The following CNTNAP2 variants were observed in gnomAD, a reference collection of about 807,000 sequenced individuals.
The protein encoded by CNTNAP2 is contactin-associated protein-like 2.
Under a neutral mutation model 155.2 loss-of-function variants are expected in CNTNAP2, and 98 were observed. The ratio of observed to expected loss-of-function variants is 0.63; its 90% confidence interval spans 0.54 to 0.75. CNTNAP2 has a LOEUF of 0.75. Ranked by LOEUF, CNTNAP2 falls within the 30% of genes least tolerant of loss-of-function variation. The pLI, the probability that CNTNAP2 is intolerant of heterozygous loss-of-function variation, is 0.00. For synonymous variants in CNTNAP2, 651 were observed against 631.2 expected, an observed-to-expected ratio of 1.03 and a Z score of -0.47; for missense variants, 1,727 against 1,688.1, an observed-to-expected ratio of 1.02 and a Z score of -0.40.
intron 8 of CNTNAP2, among the ~76,000 whole-genome samples, chr7:147,204,173 TAA>T (rs930713884): frequency 6.6e-5 from 10 of 151,706 alleles, no homozygotes; most frequent in African/African-American, 2.4e-4. Flanking sequence ...TGAAAGAAAA[TAA>T]GAGAGCAGCT....
chr7:147,910,046 C>G (rs1800034411), intron 14 of CNTNAP2, among the ~76,000 whole-genome samples: 1 of 152,120 alleles, frequency 6.6e-6, no homozygotes, highest in Non-Finnish European at 1.5e-5. Flanking sequence ...TTTATAGCAG[C>G]TGAGGGGAGT....
At chr7:148,105,619 G>C (rs1387719400) in intron 15 of CNTNAP2, among the ~76,000 whole-genome samples, 1 of 149,954 alleles carries the variant, frequency 6.7e-6, no homozygotes, top group Admixed American at 6.6e-5. Flanking sequence ...ATGGAGTCTT[G>C]CTCTGTTGCC....
intron 1 of CNTNAP2, among the ~76,000 whole-genome samples, chr7:146,368,766 G>T (rs183421754): frequency 2.0e-5 from 3 of 151,544 alleles, no homozygotes; most frequent in Middle Eastern, 3.4e-3. Context: ...CCTAGAACAA[G>T]AATTGTTATA....
At chr7:148,163,139 A>G (rs1805582345) in intron 17 of CNTNAP2, among the ~76,000 whole-genome samples, 1 of 152,256 alleles carries the variant, frequency 6.6e-6, no homozygotes, top group African/African-American at 2.4e-5. Flanking sequence ...AAAGTGCCTT[A>G]TATGATGTAA....
intron 12 of CNTNAP2, among the ~76,000 whole-genome samples, chr7:147,572,195 G>GAC (rs71274267): frequency 1.3e-5 from 2 of 151,582 alleles, no homozygotes; most frequent in Non-Finnish European, 1.5e-5. Context: ...CCTCATTCCA[G>GAC]AGCTTCTGCC....
intron 1 of CNTNAP2, among the ~76,000 whole-genome samples, chr7:146,505,752 C>T (rs1050744517): frequency 2.0e-5 from 3 of 152,204 alleles, no homozygotes; most frequent in African/African-American, 7.2e-5. Flanking sequence ...CAGGCAACAA[C>T]AGATTACCAT....
At chr7:146,912,222 G>A (rs1283835967) in intron 3 of CNTNAP2, among the ~76,000 whole-genome samples, 1 of 150,128 alleles carries the variant, frequency 6.7e-6, no homozygotes, top group Non-Finnish European at 1.5e-5. Context: ...AGACTATTAG[G>A]ATGCAGATGT....
intron 1 of CNTNAP2, among the ~76,000 whole-genome samples, chr7:146,376,811 T>C (rs930652018): frequency 2.6e-5 from 4 of 152,148 alleles, no homozygotes; most frequent in Non-Finnish European, 4.4e-5. Context: ...TGAATAGTAT[T>C]AAAATCCTAA....
chr7:146,666,617 AGT>A (rs1012187328), intron 1 of CNTNAP2, among the ~76,000 whole-genome samples: 73 of 152,272 alleles, frequency 4.8e-4, no homozygotes, highest in African/African-American at 1.7e-3. Flanking sequence ...TCCCACCAAC[AGT>A]GTATATGAGT....
intron 12 of CNTNAP2, among the ~76,000 whole-genome samples, chr7:147,635,391 T>C (rs1795161495): frequency 6.6e-6 from 1 of 151,990 alleles, no homozygotes; most frequent in Non-Finnish European, 1.5e-5. Flanking sequence ...CCCAAAGTGC[T>C]GGGATTACAG....
intron 21 of CNTNAP2, among the ~76,000 whole-genome samples, chr7:148,336,550 G>GAAAAAGA (rs1554420463): frequency 9.7e-4 from 71 of 73,136 alleles, no homozygotes; most frequent in South Asian, 3.9e-3. Context: ...TGATGAAAAA[G>GAAAAAGA]AAAAAAAAAA....
At chr7:147,778,796 C>A (rs149897104) in intron 13 of CNTNAP2, among the ~76,000 whole-genome samples, 214 of 152,268 alleles carry the variant, frequency 1.4e-3, no homozygotes, top group African/African-American at 4.8e-3. Context: ...CAGGCCTGAG[C>A]CACCGCGCCC....
chr7:147,734,452 A>G (rs919963311), intron 13 of CNTNAP2, among the ~76,000 whole-genome samples: 3 of 152,184 alleles, frequency 2.0e-5, no homozygotes, highest in African/African-American at 2.4e-5. Flanking sequence ...ATCAATGTTC[A>G]TCAGGGATAT....
Position 146,684,844 on chromosome 7 carries a change from T to C in CNTNAP2, c.98-89427T>C, listed in dbSNP as rs148497652. Among the ~76,000 whole-genome samples the C allele has an allele frequency of 6.6e-5, 10 of 152,250 alleles. No individual in the cohort carries two copies. The East Asian group carries it at 1.9e-3, about 29-fold the overall frequency. On this transcript the variant is annotated intron_variant, in intron 1 of 23. Coordinates refer to ENST00000361727, the MANE Select transcript of CNTNAP2 (RefSeq NM_014141.6). Reference sequence around the variant, plus strand: ...GAAAGTGCTATTCATACTGTTTTCATGAATGGTGCTCCGTGACCTTGATAA... The same window carrying C: ...GAAAGTGCTATTCATACTGTTTTCACGAATGGTGCTCCGTGACCTTGATAA...
chr7:148,366,255 T>C (rs1031315982), intron 21 of CNTNAP2, among the ~76,000 whole-genome samples: 1 of 88,422 alleles, frequency 1.1e-5, no homozygotes, highest in African/African-American at 4.2e-5. Context: ...CATGTATATA[T>C]GTGTGTATAT....
chr7:146,888,307 AT>A (rs971899143), intron 3 of CNTNAP2, among the ~76,000 whole-genome samples: 1 of 151,930 alleles, frequency 6.6e-6, no homozygotes, highest in Non-Finnish European at 1.5e-5. Flanking sequence ...TAACGTTTCT[AT>A]TTTTTTCTCT....
intron 1 of CNTNAP2, among the ~76,000 whole-genome samples, chr7:146,285,250 ATAATC>A (rs990816248): frequency 2.6e-5 from 4 of 152,182 alleles, no homozygotes; most frequent in African/African-American, 4.8e-5. Context: ...ATGTAAAACA[ATAATC>A]TAAAATGAGT....
chr7:147,004,199 A>G (rs1444980672), intron 3 of CNTNAP2, among the ~76,000 whole-genome samples: 1 of 148,752 alleles, frequency 6.7e-6, no homozygotes, highest in Non-Finnish European at 1.5e-5. Flanking sequence ...ATTAAAACTT[A>G]AAACTCATAT....
intron 3 of CNTNAP2, among the ~76,000 whole-genome samples, chr7:146,850,213 G>A (rs905385026): frequency 2.0e-5 from 3 of 152,184 alleles, no homozygotes; most frequent in Admixed American, 2.0e-4. Context: ...CAAGAGTAGA[G>A]AATAGACTTT....
Sources: allele counts gnomAD v4.1 joint callset (sites outside exome capture counted in the v4.1 genomes callset), GRCh38; gene constraint gnomAD v4.1.1; transcripts MANE v1.5; gene names NCBI Gene and HGNC (gene_info 2026-07-23, HGNC 2026-07-21).